PTBP3: variants seen among roughly 807,000 people sequenced by gnomAD.
The protein encoded by PTBP3 is polypyrimidine tract-binding protein 3.
Under a neutral mutation model 58.7 loss-of-function variants are expected in PTBP3, and 20 were observed. That is an observed-to-expected ratio of 0.34 (90% CI 0.24 to 0.50). PTBP3 has a LOEUF of 0.50. PTBP3 is among the 20% of genes least tolerant of loss of function. The pLI is 0.98. For synonymous variants in PTBP3, 185 were observed against 219.8 expected, an observed-to-expected ratio of 0.84 and a Z score of 1.40; for missense variants, 509 against 637.2, an observed-to-expected ratio of 0.80 and a Z score of 2.17.
At chr9:112,267,908 G>T (rs1827168060) in intron 4 of PTBP3, 141 bp downstream of exon 4, 4 of 697,456 alleles carry the variant, frequency 5.7e-6, no homozygotes, top group South Asian at 4.8e-5. Flanking sequence ...GAATTGGGGG[G>T]AAGAATTTAC....
At chr9:112,276,729 T>C (rs1191907408) in intron 2 of PTBP3, among the ~76,000 whole-genome samples, 1 of 152,158 alleles carries the variant, frequency 6.6e-6, no homozygotes, top group African/African-American at 2.4e-5. Context: ...AGTTGGAGAA[T>C]TACTGCTGTA....
At chr9:112,235,091 G>C (rs1183911415) in intron 7 of PTBP3, among the ~76,000 whole-genome samples, 194 bp from the exon 8 acceptor site, 8 of 152,044 alleles carry the variant, frequency 5.3e-5, no homozygotes, top group African/African-American at 1.9e-4. Context: ...TTTTCAATTG[G>C]GTTCAAGGAC....
At position 112,220,423 on chromosome 9, in the gene PTBP3, T is replaced by C. The variant is rs1445022917; in HGVS notation, c.*3428A>G. On this transcript the variant is annotated 3_prime_UTR_variant, in exon 14 of 14. Transcript: ENST00000374257. ...AAAAGAAATTGAGCAGAGGCATTCA[T>C]AGGAGCCACTTCTCATCAACTAAAA... The C allele has an allele frequency of 2.8e-5, 33 of 1,184,316 alleles. No homozygotes were observed. The highest frequency in any genetic ancestry group is 1.2e-4 in the East Asian group (2 of 16,708). 73.4% of individuals were successfully genotyped at this position (1,184,316 alleles called of 1,614,324 possible).
upstream of PTBP3, chr9:112,333,721 C>A (rs1332074873): frequency 5.3e-6 from 2 of 375,996 alleles, no homozygotes; most frequent in Non-Finnish European, 9.4e-6. Context: ...GCCCCCTCAC[C>A]GTCCCCGCCC....
At position 112,221,195 on chromosome 9, in the gene PTBP3, A is replaced by T. The variant is rs1225984758; in HGVS notation, c.*2656T>A. 1 of 985,454 alleles carries T rather than the reference A, an allele frequency of 1.0e-6. No individual in the cohort carries two copies. Among genetic ancestry groups the T allele is most frequent in the Admixed American group, 6.2e-5 (1 of 16,258 alleles). The allele number at this position is 985,454 out of a possible 1,614,324, so 61.0% of individuals were successfully genotyped here. The stretch of plus-strand genomic sequence containing the variant: ...CTTAATTTGGTTAATTTTGTCAATA[A>T]ATTAAAATGTATGTAATGTGCATAT... On this transcript the variant is annotated 3_prime_UTR_variant, in exon 14 of 14. Transcript: ENST00000374257.
At chr9:112,309,172 T>C (rs1829365921) in intron 1 of PTBP3, among the ~76,000 whole-genome samples, 2 of 152,178 alleles carry the variant, frequency 1.3e-5, no homozygotes, top group African/African-American at 4.8e-5. Context: ...ATCAAAAAAC[T>C]ACTTCATAAT....
chr9:112,221,687 C>G lies in PTBP3; in HGVS notation c.*2164G>C, dbSNP rs1834813492. 1 of 985,222 alleles carries G rather than the reference C, an allele frequency of 1.0e-6. No individual in the cohort carries two copies. 61.0% of individuals were successfully genotyped at this position (985,222 alleles called of 1,614,324 possible). ...CCCACAACTACATACATGAGTATAT[C>G]TATCTATTCAGCCAAACTGATCCAT... On this transcript the variant is annotated 3_prime_UTR_variant, in exon 14 of 14. Transcript: ENST00000374257.
chr9:112,267,947 TA>T, intron 4 of PTBP3, 101 bp downstream of exon 4: 1 of 1,135,442 alleles, frequency 8.8e-7, no homozygotes, highest in Non-Finnish European at 1.2e-6. Context: ...TAAAGTATCC[TA>T]AAATGAATAA....
intron 1 of PTBP3, among the ~76,000 whole-genome samples, chr9:112,323,704 C>A (rs1284745685): frequency 6.6e-6 from 1 of 152,170 alleles, no homozygotes; most frequent in Non-Finnish European, 1.5e-5. Context: ...GATATTCCAA[C>A]AGAAACTTTC....
At chr9:112,359,367 C>A in the PTBP3 span, among the ~76,000 whole-genome samples, 1 of 151,878 alleles carries the variant, frequency 6.6e-6, no homozygotes, top group Non-Finnish European at 1.5e-5. Flanking sequence ...AATAGCTTAA[C>A]CCCAGGAGGC....
intron 7 of PTBP3, among the ~76,000 whole-genome samples, chr9:112,240,509 C>T (rs571714603): frequency 1.3e-5 from 2 of 151,922 alleles, no homozygotes; most frequent in South Asian, 4.2e-4. Context: ...TATAAAAGTA[C>T]AGAAAATAAA....
intron 1 of PTBP3, among the ~76,000 whole-genome samples, chr9:112,307,148 G>T (rs994464944): frequency 1.3e-5 from 2 of 152,100 alleles, no homozygotes; most frequent in Admixed American, 6.6e-5. Flanking sequence ...TACACATCAA[G>T]AACAATTAAA....
the PTBP3 span, among the ~76,000 whole-genome samples, chr9:112,373,221 C>T: frequency 6.6e-6 from 1 of 152,064 alleles, no homozygotes; most frequent in Non-Finnish European, 1.5e-5. Context: ...AGTATTAACT[C>T]ACATGATCAC....
chr9:112,329,840 C>A (rs1416362502), intron 1 of PTBP3, among the ~76,000 whole-genome samples: 5 of 117,172 alleles, frequency 4.3e-5, no homozygotes, highest in South Asian at 3.2e-4. Context: ...AGAGCCTAGG[C>A]TACACTTTTT....
At chr9:112,281,480 A>G (rs569873884) in intron 2 of PTBP3, 16 of 152,292 alleles carry the variant, frequency 1.1e-4, no homozygotes, top group African/African-American at 3.6e-4. Context: ...TTTTAATTTA[A>G]TATCTTGCTA....
chr9:112,326,715 G>C (rs59344301), intron 1 of PTBP3, among the ~76,000 whole-genome samples: 1 of 151,992 alleles, frequency 6.6e-6, no homozygotes, highest in Admixed American at 6.6e-5. Context: ...ACAGTATTTT[G>C]AAAAAATAAC....
intron 2 of PTBP3, among the ~76,000 whole-genome samples, chr9:112,282,792 C>T (rs1254468907): frequency 6.6e-6 from 1 of 152,092 alleles, no homozygotes; most frequent in African/African-American, 2.4e-5. Flanking sequence ...CGGATACAGC[C>T]TGCCTATCTT....
chr9:112,336,803 T>G (rs1830580984), upstream of PTBP3, among the ~76,000 whole-genome samples: 1 of 152,124 alleles, frequency 6.6e-6, no homozygotes, highest in South Asian at 2.1e-4. Context: ...ATAAAGTGTG[T>G]CCGAAATTTA....
chr9:112,331,244 A>G (rs1830363662), intron 1 of PTBP3, among the ~76,000 whole-genome samples: 1 of 152,192 alleles, frequency 6.6e-6, no homozygotes, highest in Non-Finnish European at 1.5e-5. Context: ...TGGAAAATGT[A>G]GAAATTTAAT....
Sources: allele counts gnomAD v4.1 joint callset (sites outside exome capture counted in the v4.1 genomes callset), GRCh38; gene constraint gnomAD v4.1.1; transcripts MANE v1.5; gene names NCBI Gene and HGNC (gene_info 2026-07-23, HGNC 2026-07-21).